Variants in GRM8 observed in about 807,000 individuals in gnomAD.
GRM8 encodes the protein metabotropic glutamate receptor 8.
In GRM8, 47 loss-of-function variants were observed where a neutral mutation model predicts 87.2. That is an observed-to-expected ratio of 0.54 (90% CI 0.43 to 0.69). GRM8 has a LOEUF of 0.69. GRM8 is among the 30% of genes least tolerant of loss of function. GRM8 has a pLI of 0.00. For synonymous variants in GRM8, 396 were observed against 404.5 expected, an observed-to-expected ratio of 0.98 and a Z score of 0.25; for missense variants, 1,019 against 1,139.2, an observed-to-expected ratio of 0.89 and a Z score of 1.52.
chr7:126,615,867 T>A (rs1392289347), intron 7 of GRM8, among the ~76,000 whole-genome samples: 1 of 152,150 alleles, frequency 6.6e-6, no homozygotes, highest in Non-Finnish European at 1.5e-5. Flanking sequence ...GCACCCAGAT[T>A]CATAAAGCAA....
chr7:127,028,731 A>C (rs1018842313), intron 3 of GRM8, among the ~76,000 whole-genome samples: 1 of 151,520 alleles, frequency 6.6e-6, no homozygotes, highest in South Asian at 2.1e-4. Flanking sequence ...TTCTTTTCTT[A>C]TTAGTCTTGC....
intron 3 of GRM8, among the ~76,000 whole-genome samples, chr7:127,009,846 C>CT (rs112101017): frequency 0.013 from 1,892 of 150,948 alleles, 44 homozygotes; most frequent in African/African-American, 0.043. Context: ...ATCTATATGT[C>CT]TTTTTTTTTC....
intron 3 of GRM8, among the ~76,000 whole-genome samples, chr7:127,032,430 C>T (rs1038717284): frequency 3.3e-5 from 5 of 152,110 alleles, no homozygotes; most frequent in Non-Finnish European, 5.9e-5. Context: ...TTTGCCCATC[C>T]GTCCACACCC....
chr7:126,892,334 T>A (rs776353115), intron 6 of GRM8, among the ~76,000 whole-genome samples: 5 of 152,024 alleles, frequency 3.3e-5, no homozygotes, highest in Non-Finnish European at 5.9e-5. Flanking sequence ...CCCCTTCCTG[T>A]GTCCATGTGT....
chr7:127,189,311 C>T (rs979269204), intron 2 of GRM8, among the ~76,000 whole-genome samples: 1 of 152,136 alleles, frequency 6.6e-6, no homozygotes, highest in African/African-American at 2.4e-5. Flanking sequence ...AATGAGTCAT[C>T]TCCAGTGCAG....
At chr7:126,720,355 T>A (rs1337943134) in intron 7 of GRM8, among the ~76,000 whole-genome samples, 1 of 151,984 alleles carries the variant, frequency 6.6e-6, no homozygotes, top group African/African-American at 2.4e-5. Context: ...TGGCCCAGGC[T>A]GTTCTCAAAG....
chr7:127,233,473 A>C (rs983000510), intron 2 of GRM8, among the ~76,000 whole-genome samples: 4 of 152,214 alleles, frequency 2.6e-5, no homozygotes, highest in African/African-American at 9.7e-5. Flanking sequence ...AATCACTCTG[A>C]AAACTAACAA....
chr7:126,842,406 A>G (rs1219825052), intron 6 of GRM8, among the ~76,000 whole-genome samples: 1 of 152,268 alleles, frequency 6.6e-6, no homozygotes, highest in African/African-American at 2.4e-5. Flanking sequence ...GAAGAAAAAG[A>G]CTTGCTAAAT....
chr7:126,878,129 T>A (rs899820153), intron 6 of GRM8, among the ~76,000 whole-genome samples: 19 of 152,170 alleles, frequency 1.2e-4, no homozygotes, highest in Non-Finnish European at 2.2e-4. Context: ...ATTCACCATG[T>A]TAATGACCAC....
chr7:127,067,443 T>C (rs1207823786), intron 3 of GRM8, among the ~76,000 whole-genome samples: 1 of 152,238 alleles, frequency 6.6e-6, no homozygotes, highest in East Asian at 1.9e-4. Flanking sequence ...TACTCTTTAT[T>C]TAAAATTCTT....
intron 3 of GRM8, among the ~76,000 whole-genome samples, chr7:127,028,895 T>C: frequency 6.6e-6 from 1 of 152,194 alleles, no homozygotes; most frequent in Non-Finnish European, 1.5e-5. Context: ...ATTTGTTTGC[T>C]CTTGCTTCTC....
chr7:126,714,974 G>A (rs1017832022), intron 7 of GRM8, among the ~76,000 whole-genome samples: 3 of 152,080 alleles, frequency 2.0e-5, no homozygotes, highest in Non-Finnish European at 4.4e-5. Flanking sequence ...TGTTGTCAAG[G>A]TGAAACTTCT....
intron 7 of GRM8, among the ~76,000 whole-genome samples, chr7:126,669,913 G>T (rs1365586452): frequency 6.6e-6 from 1 of 152,186 alleles, no homozygotes; most frequent in Middle Eastern, 3.2e-3. Flanking sequence ...ACAAGTGGTA[G>T]AAGAACTGGG....
intron 2 of GRM8, among the ~76,000 whole-genome samples, chr7:127,196,190 T>C (rs1795270255): frequency 6.6e-6 from 1 of 152,162 alleles, no homozygotes; most frequent in African/African-American, 2.4e-5. Context: ...AATAATAGTT[T>C]TCAGTCTCTG....
At position 126,976,487 on chromosome 7, in the gene GRM8, G is replaced by A. The variant is rs562272877; in HGVS notation, c.728-71804C>T. Among the ~76,000 whole-genome samples the A allele has an allele frequency of 3.1e-4, 47 of 152,158 alleles. 1 individual carries two copies. The South Asian group carries it at 8.1e-3, about 26-fold the overall frequency. The stretch of plus-strand genomic sequence containing the variant: ...TGGGCATCTGTGGTCCCAGCTACTC[G>A]GGAGGCTGAGGCAGGACAATCGCTT... On this transcript the variant is annotated intron_variant, in intron 3 of 10. Transcript: ENST00000339582.
intron 6 of GRM8, among the ~76,000 whole-genome samples, chr7:126,777,182 T>C (rs962408558): frequency 7.2e-5 from 11 of 152,200 alleles, no homozygotes; most frequent in African/African-American, 2.7e-4. Context: ...GTCTCTTCTT[T>C]TTCTGATATG....
At chr7:127,187,303 G>C (rs558023991) in intron 2 of GRM8, among the ~76,000 whole-genome samples, 5 of 152,166 alleles carry the variant, frequency 3.3e-5, no homozygotes, top group East Asian at 1.9e-4. Flanking sequence ...CACACCCTGA[G>C]ACATTATATG....
chr7:126,855,795 C>T (rs1269305554), intron 6 of GRM8, among the ~76,000 whole-genome samples: 1 of 151,940 alleles, frequency 6.6e-6, no homozygotes, highest in Non-Finnish European at 1.5e-5. Flanking sequence ...TTTTTATATC[C>T]CACACTTCCT....
At chr7:126,717,617 G>T (rs1811899568) in intron 7 of GRM8, among the ~76,000 whole-genome samples, 1 of 152,054 alleles carries the variant, frequency 6.6e-6, no homozygotes, top group Non-Finnish European at 1.5e-5. Flanking sequence ...AGTGTAACCT[G>T]CATTTCTACT....
Sources: gnomAD v4.1 joint callset for allele counts (sites outside exome capture counted in the v4.1 genomes callset) on GRCh38, gnomAD v4.1.1 for gene constraint, MANE v1.5 for transcripts, NCBI Gene and HGNC (gene_info 2026-07-23, HGNC 2026-07-21) for gene names.